Variants in MACROD2 observed in about 807,000 individuals in gnomAD.
MACROD2 encodes mono-ADP ribosylhydrolase 2, also known as ADP-ribose glycohydrolase MACROD2.
Under a neutral mutation model 70.4 loss-of-function variants are expected in MACROD2, and 36 were observed. That is an observed-to-expected ratio of 0.51 (90% CI 0.39 to 0.68). The LOEUF (loss-of-function observed/expected upper bound fraction) is 0.68. Ranked by LOEUF, MACROD2 falls within the 30% of genes least tolerant of loss-of-function variation. The probability of loss-of-function intolerance (pLI) is 0.00; values close to 1 mark genes in which losing one functional copy is unlikely to be tolerated. For missense variants in MACROD2, 496 were observed against 538.4 expected, an observed-to-expected ratio of 0.92 and a Z score of 0.78; for synonymous variants, 172 against 178.8, an observed-to-expected ratio of 0.96 and a Z score of 0.30.
chr20:14,087,184 T>C (rs2054087840), intron 3 of MACROD2, among the ~76,000 whole-genome samples: 1 of 151,776 alleles, frequency 6.6e-6, no homozygotes, highest in Admixed American at 6.6e-5. Context: ...CACTTGAAGG[T>C]AGGAATTCGA....
intron 3 of MACROD2, among the ~76,000 whole-genome samples, chr20:14,361,985 T>C (rs186413248): frequency 1.1e-3 from 161 of 152,364 alleles, no homozygotes; most frequent in Non-Finnish European, 2.1e-3. Context: ...TATCTGCACA[T>C]TTCACAATCT....
chr20:14,678,019 G>A (rs1324161780), intron 4 of MACROD2, among the ~76,000 whole-genome samples: 1 of 152,256 alleles, frequency 6.6e-6, no homozygotes, highest in South Asian at 2.1e-4. Context: ...TCCCCAAATT[G>A]TAGTGGTTCT....
chr20:14,070,493 T>C (rs2053823693), intron 2 of MACROD2, among the ~76,000 whole-genome samples: 1 of 152,198 alleles, frequency 6.6e-6, no homozygotes, highest in African/African-American at 2.4e-5. Context: ...CCAAAATTAT[T>C]TTTCTGATCA....
At chr20:15,572,205 G>A (rs2216156) in intron 8 of MACROD2, among the ~76,000 whole-genome samples, 1 of 151,810 alleles carries the variant, frequency 6.6e-6, no homozygotes, top group East Asian at 1.9e-4. Flanking sequence ...TAAGGGGAAG[G>A]GTATGTATCC....
intron 3 of MACROD2, among the ~76,000 whole-genome samples, chr20:14,175,553 A>G (rs1473917683): frequency 6.6e-6 from 1 of 152,136 alleles, no homozygotes; most frequent in Non-Finnish European, 1.5e-5. Context: ...ATTGCCCCTC[A>G]TGTGAGACAG....
intron 4 of MACROD2, among the ~76,000 whole-genome samples, chr20:14,660,770 T>A (rs897896753): frequency 2.6e-5 from 4 of 152,150 alleles, no homozygotes; most frequent in African/African-American, 9.7e-5. Context: ...ACCCAGTGTT[T>A]AGCTCCCACT....
intron 4 of MACROD2, among the ~76,000 whole-genome samples, chr20:14,565,576 A>C (rs1215065030): frequency 2.6e-5 from 4 of 151,860 alleles, no homozygotes; most frequent in African/African-American, 9.7e-5. Context: ...TGCATGTTTC[A>C]ATAGTTGGTT....
intron 8 of MACROD2, among the ~76,000 whole-genome samples, chr20:15,659,501 T>C (rs779476455): frequency 5.3e-5 from 8 of 152,092 alleles, no homozygotes; most frequent in East Asian, 1.9e-4. Context: ...AGAAGTTTTT[T>C]GTTGCTTCCC....
At position 16,051,150 on chromosome 20, in the gene MACROD2, A is replaced by G. The variant is rs1026654861; in HGVS notation, c.*1274A>G. ...TTCCCACAGCCTCCCCGGGTTCCAA[A>G]GTCATGTCATTGTTTTCAGTGGAAA... On this transcript the variant is annotated 3_prime_UTR_variant, in exon 18 of 18. Transcript: ENST00000684519. 1.3e-5 allele frequency: 2 copies of G among 152,216 alleles called. No individual in the cohort carries two copies. Among genetic ancestry groups the G allele is most frequent in the African/African-American group, 2.4e-5 (1 of 41,444 alleles). The allele number at this position is 152,216 out of a possible 1,614,324, so 9.4% of individuals were successfully genotyped here.
chr20:15,849,697 C>A (rs761563407), intron 8 of MACROD2, among the ~76,000 whole-genome samples: 1 of 152,192 alleles, frequency 6.6e-6, no homozygotes, highest in Non-Finnish European at 1.5e-5. Flanking sequence ...TAATTATTAA[C>A]TTTTGTCTCT....
intron 3 of MACROD2, among the ~76,000 whole-genome samples, chr20:14,394,413 T>G (rs771259975): frequency 2.6e-5 from 4 of 152,224 alleles, no homozygotes; most frequent in Non-Finnish European, 4.4e-5. Flanking sequence ...AAACTGCTTG[T>G]TGCTAGCATG....
intron 5 of MACROD2, among the ~76,000 whole-genome samples, chr20:15,207,762 GAT>G (rs2076724560): frequency 6.6e-6 from 1 of 152,046 alleles, no homozygotes; most frequent in Admixed American, 6.6e-5. Flanking sequence ...CATTACTTCT[GAT>G]GAGGAATCCA....
intron 3 of MACROD2, among the ~76,000 whole-genome samples, chr20:14,335,496 T>C (rs1236556550): frequency 6.6e-6 from 1 of 152,212 alleles, no homozygotes; most frequent in African/African-American, 2.4e-5. Context: ...GCTGCCACAT[T>C]TAGTTATGAC....
chr20:15,278,949 G>A (rs1014639790), intron 6 of MACROD2, among the ~76,000 whole-genome samples: 4 of 152,088 alleles, frequency 2.6e-5, no homozygotes, highest in African/African-American at 9.7e-5. Flanking sequence ...GATGCCTCGC[G>A]TGCCCTGCTT....
rs2074873495 is a variant in MACROD2, at chr20:14,988,781, A to G, written c.419-241159A>G. ...TATCTAATAAAGCTCCTTCTCAAGC[A>G]TAATTTACTACGGTGGGATGCTGAT... On this transcript the variant is annotated intron_variant, in intron 5 of 17. Transcript: ENST00000684519. Among the ~76,000 whole-genome samples the G allele has an allele frequency of 2.0e-5, 3 of 152,346 alleles. No individual in the cohort carries two copies. In the South Asian group the frequency reaches 6.2e-4, roughly 32 times the overall value.
At chr20:15,750,983 C>G (rs1353576948) in intron 8 of MACROD2, among the ~76,000 whole-genome samples, 1 of 151,610 alleles carries the variant, frequency 6.6e-6, no homozygotes, top group Non-Finnish European at 1.5e-5. Flanking sequence ...CAGTGGTTAC[C>G]AGAGATGGGA....
chr20:14,341,467 G>A (rs2083012118), intron 3 of MACROD2, among the ~76,000 whole-genome samples: 1 of 151,972 alleles, frequency 6.6e-6, no homozygotes, highest in Non-Finnish European at 1.5e-5. Flanking sequence ...GTGAAACCCC[G>A]TTTCTAGTAA....
chr20:14,565,184 G>T (rs1420326743), intron 4 of MACROD2, among the ~76,000 whole-genome samples: 1 of 151,712 alleles, frequency 6.6e-6, no homozygotes. Context: ...GACTCCAAAT[G>T]GTGGGAAGAT....
At chr20:14,944,120 C>T (rs946513928) in intron 5 of MACROD2, among the ~76,000 whole-genome samples, 1 of 152,006 alleles carries the variant, frequency 6.6e-6, no homozygotes, top group African/African-American at 2.4e-5. Context: ...TTTATTTACA[C>T]CTGCTCTCCT....
Sources: allele counts gnomAD v4.1 joint callset (sites outside exome capture counted in the v4.1 genomes callset), GRCh38; gene constraint gnomAD v4.1.1; transcripts MANE v1.5; gene names NCBI Gene and HGNC (gene_info 2026-07-23, HGNC 2026-07-21).